Variants in VWC2 observed in about 807,000 individuals in gnomAD.
VWC2 encodes the protein von Willebrand factor C domain containing 2.
A neutral mutation model predicts 29.8 loss-of-function variants in VWC2; 14 were observed. That is an observed-to-expected ratio of 0.47 (90% CI 0.31 to 0.74). The LOEUF (loss-of-function observed/expected upper bound fraction) is 0.74, where lower values mean the gene tolerates loss of function less well. Among genes scored for constraint, VWC2 ranks in the 30% least tolerant of loss-of-function variants. The probability of loss-of-function intolerance (pLI) is 0.05; values close to 1 mark genes in which losing one functional copy is unlikely to be tolerated. For missense variants in VWC2, 457 were observed against 459.8 expected (o/e 0.99, Z 0.05); for synonymous variants, 213 against 199.0 (o/e 1.07, Z -0.59).
intron 3 of VWC2, among the ~76,000 whole-genome samples, chr7:49,846,925 T>TGAAG (rs1487287902): frequency 2.0e-5 from 3 of 152,226 alleles, no homozygotes; most frequent in African/African-American, 7.2e-5. Context: ...TGTTTTTCTT[T>TGAAG]GAAGGAATAA....
At chr7:49,905,584 T>C (rs566835948) in intron 3 of VWC2, among the ~76,000 whole-genome samples, 1 of 152,204 alleles carries the variant, frequency 6.6e-6, no homozygotes. Context: ...ACTTTGTGTG[T>C]TTGTAAACTA....
intron 2 of VWC2, among the ~76,000 whole-genome samples, chr7:49,792,205 C>T (rs1788476084): frequency 6.6e-6 from 1 of 152,162 alleles, no homozygotes; most frequent in South Asian, 2.1e-4. Context: ...CCATGGATAC[C>T]AGCGGACGAC....
intron 3 of VWC2, among the ~76,000 whole-genome samples, chr7:49,867,124 G>T (rs1442183827): frequency 6.6e-6 from 1 of 152,138 alleles, no homozygotes. Flanking sequence ...GCTATGTGGG[G>T]AGCCTCTCGA....
intron 2 of VWC2, among the ~76,000 whole-genome samples, chr7:49,792,977 G>A (rs1370571962): frequency 2.0e-5 from 3 of 152,182 alleles, no homozygotes; most frequent in Non-Finnish European, 2.9e-5. Context: ...GACAACGCTC[G>A]TGCTTATTCC....
At chr7:49,783,530 T>C (rs1327917228) in intron 2 of VWC2, among the ~76,000 whole-genome samples, 1 of 152,192 alleles carries the variant, frequency 6.6e-6, no homozygotes, top group Non-Finnish European at 1.5e-5. Flanking sequence ...CATGGTACTT[T>C]TCTGACCACG....
intron 2 of VWC2, among the ~76,000 whole-genome samples, chr7:49,793,893 A>C (rs1311959814): frequency 6.6e-6 from 1 of 152,224 alleles, no homozygotes; most frequent in Non-Finnish European, 1.5e-5. Context: ...TTGCTGGTAG[A>C]CCAGGGGCAT....
At chr7:49,801,721 CT>C (rs1166221637) in intron 2 of VWC2, among the ~76,000 whole-genome samples, 1 of 152,244 alleles carries the variant, frequency 6.6e-6, no homozygotes, top group African/African-American at 2.4e-5. Context: ...GTCAGGAGCC[CT>C]CAGTGGAAGA....
chr7:49,798,604 G>A (rs889288366), intron 2 of VWC2, among the ~76,000 whole-genome samples: 1 of 152,194 alleles, frequency 6.6e-6, no homozygotes, highest in Non-Finnish European at 1.5e-5. Flanking sequence ...GTGTTGGAAT[G>A]AGGGTCCTTA....
At chr7:49,907,603 A>C (rs774006934) in intron 3 of VWC2, among the ~76,000 whole-genome samples, 6 of 152,188 alleles carry the variant, frequency 3.9e-5, no homozygotes, top group Admixed American at 1.3e-4. Context: ...GGAGAGTCTG[A>C]GAATGTGTGC....
Position 49,843,512 on chromosome 7 carries a change from C to A in VWC2, c.826+40672C>A, listed in dbSNP as rs143129325. Among the ~76,000 whole-genome samples the A allele has an allele frequency of 5.3e-3, 802 of 152,228 alleles. 5 individuals are homozygous for A. Among genetic ancestry groups the A allele is most frequent in the Middle Eastern group, 0.017 (5 of 294 alleles). On this transcript the variant is annotated intron_variant, in intron 3 of 3. Coordinates refer to ENST00000340652, the MANE Select transcript of VWC2 (RefSeq NM_198570.5). ...GGTCCAGCTTACAAGCACTAATTCA[C>A]GATAATTTGACTATTTTACTCAAGT...
chr7:49,775,616 G>C lies in VWC2; in HGVS notation c.181G>C (p.Glu61Gln). The C allele has an allele frequency of 1.3e-6, 2 of 1,531,182 alleles. No homozygotes were observed. Among genetic ancestry groups the C allele is most frequent in the Non-Finnish European group, 1.8e-6 (2 of 1,141,818 alleles). The allele number at this position is 1,531,182 out of a possible 1,614,324, so 94.8% of individuals were successfully genotyped here. A position where few individuals can be genotyped will look rare whatever the true frequency, so the allele number is the denominator to read the frequency against. ...ASRDGPGRVN[E>Q]LGRPARDEGG... ...TCGGGACGGCCCGGGGCGGGTGAAC[G>C]AGCTCGGGCGCCCGGCGAGGGACGA... Residue 61 changes from glutamate to glutamine, a missense_variant, in exon 2 of 4, where the codon GAG (glutamate) becomes CAG (glutamine). Coordinates refer to ENST00000340652, the MANE Select transcript of VWC2 (RefSeq NM_198570.5).
At chr7:49,804,136 C>A in intron 3 of VWC2, among the ~76,000 whole-genome samples, 1 of 148,796 alleles carries the variant, frequency 6.7e-6, no homozygotes, top group Admixed American at 6.7e-5. Context: ...TAGACAAGAA[C>A]GAGGGGGACT....
intron 3 of VWC2, among the ~76,000 whole-genome samples, chr7:49,869,780 G>C (rs1791059987): frequency 6.6e-6 from 1 of 152,046 alleles, no homozygotes; most frequent in Non-Finnish European, 1.5e-5. Context: ...AATTGGATGT[G>C]CACGGCCACA....
At chr7:49,789,300 G>C (rs1245839047) in intron 2 of VWC2, among the ~76,000 whole-genome samples, 1 of 128,652 alleles carries the variant, frequency 7.8e-6, no homozygotes, top group Non-Finnish European at 1.7e-5. Flanking sequence ...AGTGTGAGCG[G>C]GTGTGTGAGT....
intron 2 of VWC2, among the ~76,000 whole-genome samples, chr7:49,788,502 T>TA (rs1314669363): frequency 6.6e-6 from 1 of 150,818 alleles, no homozygotes; most frequent in Non-Finnish European, 1.5e-5. Context: ...AGACAGTGTG[T>TA]ATGAGTGTGT....
chr7:49,888,697 G>A (rs914211631), intron 3 of VWC2, among the ~76,000 whole-genome samples: 2 of 152,054 alleles, frequency 1.3e-5, no homozygotes, highest in South Asian at 4.2e-4. Flanking sequence ...GATCACCTGC[G>A]GTCAGGAGTT....
chr7:49,907,922 T>C (rs1000311481), intron 3 of VWC2, among the ~76,000 whole-genome samples: 2 of 152,094 alleles, frequency 1.3e-5, no homozygotes, highest in African/African-American at 2.4e-5. Flanking sequence ...AGAGCTCTTA[T>C]CAGACCTATA....
In VWC2 at chr7:49,788,474, AGAGT is replaced by A. The variant is rs1201755809; in HGVS notation, c.696+12345_696+12348del. On this transcript the variant is annotated intron_variant, in intron 2 of 3. Coordinates refer to ENST00000340652, the MANE Select transcript of VWC2 (RefSeq NM_198570.5). ...GTGTGTGTGTGTGTGTGTGTGAGAG[AGAGT>A]GTGTGGGTGTGTAAGACAGTGTGTA... 8.0e-5 allele frequency among the ~76,000 whole-genome samples: 12 copies of A among 149,260 alleles called. No individual in the cohort carries two copies. The South Asian group carries it at 1.3e-3, about 16-fold the overall frequency.
chr7:49,834,513 G>C (rs1012849216), intron 3 of VWC2, among the ~76,000 whole-genome samples: 1 of 152,182 alleles, frequency 6.6e-6, no homozygotes, highest in African/African-American at 2.4e-5. Flanking sequence ...TAGTCCTACT[G>C]AGTGTCAGTC....
Sources: gnomAD v4.1 joint callset for allele counts (sites outside exome capture counted in the v4.1 genomes callset) on GRCh38, gnomAD v4.1.1 for gene constraint, MANE v1.5 for transcripts, NCBI Gene and HGNC (gene_info 2026-07-23, HGNC 2026-07-21) for gene names.